TTC28: variants seen among roughly 807,000 people sequenced by gnomAD.
TTC28 encodes the protein tetratricopeptide repeat protein 28.
A neutral mutation model predicts 198.0 loss-of-function variants in TTC28; 61 were observed. That is an observed-to-expected ratio of 0.31 (90% CI 0.25 to 0.38). The LOEUF is 0.38. Among genes scored for constraint, TTC28 ranks in the 10% least tolerant of loss-of-function variants. TTC28 has a pLI of 1.00. For missense variants in TTC28, 2,678 were observed against 3,164.0 expected (o/e 0.85, Z 3.69); for synonymous variants, 1,171 against 1,297.8 (o/e 0.90, Z 2.10).
chr22:28,026,780 C>G (rs1389568458), intron 13 of TTC28, among the ~76,000 whole-genome samples: 1 of 152,214 alleles, frequency 6.6e-6, no homozygotes, highest in Non-Finnish European at 1.5e-5. Context: ...TCTGTTTTGG[C>G]TCTAGTCACT....
chr22:28,160,902 AG>A (rs1336232010), intron 6 of TTC28, among the ~76,000 whole-genome samples: 1 of 152,348 alleles, frequency 6.6e-6, no homozygotes, highest in Admixed American at 6.5e-5. Context: ...GCAGCCAGGA[AG>A]AAAATCAGGA....
chr22:27,988,577 C>T (rs953660301), intron 21 of TTC28, among the ~76,000 whole-genome samples: 2 of 151,984 alleles, frequency 1.3e-5, no homozygotes, highest in East Asian at 3.9e-4. Flanking sequence ...AGTGAGCCAC[C>T]GCACCCGGCA....
chr22:28,262,849 T>C (rs1396084397), intron 5 of TTC28, among the ~76,000 whole-genome samples: 1 of 152,154 alleles, frequency 6.6e-6, no homozygotes, highest in Admixed American at 6.6e-5. Flanking sequence ...TGAGAATGAC[T>C]ACCAGAAGCC....
intron 2 of TTC28, among the ~76,000 whole-genome samples, chr22:28,418,816 A>C (rs2047203991): frequency 6.6e-6 from 1 of 152,238 alleles, no homozygotes. Flanking sequence ...CAAATAACTA[A>C]ACATAGACTG....
chr22:28,301,459 A>G (rs1021162425), intron 3 of TTC28, among the ~76,000 whole-genome samples: 1 of 152,230 alleles, frequency 6.6e-6, no homozygotes, highest in Non-Finnish European at 1.5e-5. Context: ...TTTAAGATGA[A>G]CAAAATCATA....
rs1375489986 is a variant in TTC28 at position 28,138,245 on chromosome 22, T to G, written c.1441+24847A>C. The stretch of plus-strand genomic sequence containing the variant: ...AAACAAATATCTGACACAGAAATCA[T>G]TATAATTTTGAGATACTGTCGAAAG... On this transcript the variant is annotated intron_variant, in intron 6 of 22. Coordinates refer to ENST00000397906, the MANE Select transcript of TTC28 (RefSeq NM_001145418.2). Among the ~76,000 whole-genome samples the G allele has an allele frequency of 2.0e-5, 3 of 152,172 alleles. No individual in the cohort carries two copies. In the East Asian group the frequency reaches 5.8e-4, roughly 29 times the overall value.
intron 2 of TTC28, among the ~76,000 whole-genome samples, chr22:28,531,811 T>C (rs2145901064): frequency 6.6e-6 from 1 of 152,304 alleles, no homozygotes; most frequent in African/African-American, 2.4e-5. Flanking sequence ...GAATGACTAC[T>C]GGGTACATAA....
At chr22:28,348,419 C>G (rs1447239546) in intron 2 of TTC28, among the ~76,000 whole-genome samples, 1 of 152,152 alleles carries the variant, frequency 6.6e-6, no homozygotes, top group South Asian at 2.1e-4. Flanking sequence ...GAGGCTAATT[C>G]TAAGGATCCT....
chr22:28,615,568 G>A (rs2050890534), intron 2 of TTC28, among the ~76,000 whole-genome samples: 1 of 152,150 alleles, frequency 6.6e-6, no homozygotes, highest in African/African-American at 2.4e-5. Flanking sequence ...ATCAATGATA[G>A]ACTGGATAAA....
At position 28,461,449 on chromosome 22, in the gene TTC28, T is replaced by C. The variant is rs74343088; in HGVS notation, c.382-154806A>G. 3.9e-5 allele frequency among the ~76,000 whole-genome samples: 6 copies of C among 152,114 alleles called. No homozygotes were observed. The East Asian group carries it at 7.7e-4, about 20-fold the overall frequency. ...AATTCTTTCTTCAGTTTTTTTTTTT[T>C]CTTTTGAGACGAAGTCTCACTCTGC... On this transcript the variant is annotated intron_variant, in intron 2 of 22. Coordinates refer to ENST00000397906, the MANE Select transcript of TTC28 (RefSeq NM_001145418.2).
At chr22:28,438,922 G>C (rs1357712990) in intron 2 of TTC28, among the ~76,000 whole-genome samples, 2 of 152,174 alleles carry the variant, frequency 1.3e-5, no homozygotes, top group African/African-American at 4.8e-5. Flanking sequence ...CTTTCACTGA[G>C]ATTTTGCCGA....
At chr22:28,042,319 T>C (rs1939675490) in intron 12 of TTC28, among the ~76,000 whole-genome samples, 1 of 151,414 alleles carries the variant, frequency 6.6e-6, no homozygotes, top group South Asian at 2.1e-4. Flanking sequence ...AGCAAAAACT[T>C]GGAACCAACC....
At chr22:28,594,647 C>T (rs1309691382) in intron 2 of TTC28, among the ~76,000 whole-genome samples, 3 of 150,978 alleles carry the variant, frequency 2.0e-5, no homozygotes, top group Admixed American at 6.6e-5. Flanking sequence ...TAGTATAAAG[C>T]GAGGTGCTCC....
At chr22:28,420,637 G>A (rs895926234) in intron 2 of TTC28, among the ~76,000 whole-genome samples, 10 of 149,956 alleles carry the variant, frequency 6.7e-5, no homozygotes, top group Admixed American at 2.7e-4. Flanking sequence ...TCGTTCTGTC[G>A]CCCAGGGTGG....
At chr22:28,045,390 T>C (rs1238667657) in intron 12 of TTC28, among the ~76,000 whole-genome samples, 1 of 152,218 alleles carries the variant, frequency 6.6e-6, no homozygotes, top group African/African-American at 2.4e-5. Flanking sequence ...GGATTCAACC[T>C]GTAGTAGAAA....
chr22:28,363,411 T>A (rs112894718), intron 2 of TTC28, among the ~76,000 whole-genome samples: 1 of 152,222 alleles, frequency 6.6e-6, no homozygotes, highest in Non-Finnish European at 1.5e-5. Flanking sequence ...AACACCTGGA[T>A]GCCCAGGCAG....
chr22:27,996,823 C>G (rs1336411864), intron 16 of TTC28, among the ~76,000 whole-genome samples: 1 of 152,188 alleles, frequency 6.6e-6, no homozygotes, highest in Admixed American at 6.5e-5. Flanking sequence ...CCAACCTGCC[C>G]CCAGATCATG....
intron 1 of TTC28, among the ~76,000 whole-genome samples, chr22:28,631,165 C>G (rs553990725): frequency 6.6e-6 from 1 of 152,194 alleles, no homozygotes; most frequent in South Asian, 2.1e-4. Context: ...AGAACAAAAT[C>G]AAAATATTAA....
At chr22:28,046,892 G>A (rs1399113760) in intron 12 of TTC28, among the ~76,000 whole-genome samples, 6 of 152,156 alleles carry the variant, frequency 3.9e-5, no homozygotes, top group African/African-American at 1.4e-4. Flanking sequence ...CCTCTTTAAC[G>A]GAGGTGTCAA....
Sources: gnomAD v4.1 joint callset for allele counts (sites outside exome capture counted in the v4.1 genomes callset) on GRCh38, gnomAD v4.1.1 for gene constraint, MANE v1.5 for transcripts, NCBI Gene and HGNC (gene_info 2026-07-23, HGNC 2026-07-21) for gene names.